The following SYTL5 variants were observed in gnomAD, a reference collection of about 807,000 sequenced individuals.
SYTL5 encodes synaptotagmin-like protein 5.
A neutral mutation model predicts 55.9 loss-of-function variants in SYTL5; 34 were observed. That is an observed-to-expected ratio of 0.61 (90% CI 0.46 to 0.81). The LOEUF (loss-of-function observed/expected upper bound fraction) is 0.81, where lower values mean the gene tolerates loss of function less well. Ranked by LOEUF, SYTL5 falls within the 30% of genes least tolerant of loss-of-function variation. The pLI, the probability that SYTL5 is intolerant of heterozygous loss-of-function variation, is 0.00. For missense variants in SYTL5, 637 were observed against 546.7 expected (o/e 1.17, Z -1.65); for synonymous variants, 221 against 188.7 (o/e 1.17, Z -1.40).
At chrX:37,977,000 C>T in the SYTL5 span, among the ~76,000 whole-genome samples, 4 of 111,190 alleles carry the variant, frequency 3.6e-5, no homozygotes, top group South Asian at 1.5e-3. Flanking sequence ...TCAAAGAACT[C>T]ACAATCTTTT....
the SYTL5 span, among the ~76,000 whole-genome samples, chrX:37,895,240 G>A: frequency 3.6e-5 from 4 of 112,186 alleles, no homozygotes; most frequent in African/African-American, 6.5e-5. Flanking sequence ...AAAGACTTAA[G>A]TTCAAAGCTA....
At chrX:38,070,144 A>G (rs758145581) in intron 3 of SYTL5, among the ~76,000 whole-genome samples, 1 of 111,606 alleles carries the variant, frequency 9.0e-6, no homozygotes, top group African/African-American at 3.2e-5. Flanking sequence ...TATATAATTT[A>G]CCTTTGCCTC....
the SYTL5 span, among the ~76,000 whole-genome samples, chrX:37,969,692 G>T: frequency 2.7e-5 from 3 of 111,758 alleles, no homozygotes; most frequent in African/African-American, 9.8e-5. Context: ...CAGTGCAGTG[G>T]TGAGATCTCG....
chrX:37,941,382 A>G, the SYTL5 span, among the ~76,000 whole-genome samples: 1 of 111,727 alleles, frequency 9.0e-6, no homozygotes, highest in African/African-American at 3.3e-5. Context: ...ACGTTAACAT[A>G]ATAATGATGA....
chrX:38,106,482 C>A, intron 10 of SYTL5, 111 bp from the exon 11 acceptor site: 1 of 703,616 alleles, frequency 1.4e-6, no homozygotes, highest in Non-Finnish European at 2.0e-6. Context: ...TCACCCTAGA[C>A]TTCCATGCTC....
chrX:38,097,402 A>G (rs1163938596), intron 9 of SYTL5, among the ~76,000 whole-genome samples: 2 of 110,930 alleles, frequency 1.8e-5, no homozygotes, highest in Non-Finnish European at 3.8e-5. Flanking sequence ...AACTGTATTT[A>G]TATATACTAG....
At chrX:37,909,258 G>A in the SYTL5 span, among the ~76,000 whole-genome samples, 186 of 112,159 alleles carry the variant, frequency 1.7e-3, no homozygotes, top group Non-Finnish European at 3.1e-3. Flanking sequence ...AATACTTACA[G>A]AAGGTAGTTT....
the SYTL5 span, among the ~76,000 whole-genome samples, chrX:37,893,267 A>C: frequency 0.026 from 1,858 of 72,241 alleles, 357 homozygotes; most frequent in African/African-American, 0.23. Context: ...ACATACCACA[A>C]TCTATATATG....
At chrX:37,928,396 G>T in the SYTL5 span, among the ~76,000 whole-genome samples, 4 of 111,538 alleles carry the variant, frequency 3.6e-5, no homozygotes, top group Admixed American at 3.8e-4. Flanking sequence ...GCCAAGCCTG[G>T]ATCACCACGT....
At chrX:37,916,952 T>C in the SYTL5 span, among the ~76,000 whole-genome samples, 1 of 111,655 alleles carries the variant, frequency 9.0e-6, no homozygotes, top group African/African-American at 3.3e-5. Flanking sequence ...CTTTTGGCTG[T>C]AACATTTTTT....
At chrX:37,980,736 G>A in the SYTL5 span, among the ~76,000 whole-genome samples, 3 of 104,678 alleles carry the variant, frequency 2.9e-5, no homozygotes, top group African/African-American at 1.1e-4. Context: ...TAACCTGCCC[G>A]CAGCTACCTG....
chrX:38,059,807 T>C (rs1014133714), intron 3 of SYTL5, among the ~76,000 whole-genome samples: 1 of 111,837 alleles, frequency 8.9e-6, no homozygotes, highest in African/African-American at 3.2e-5. Context: ...GAATTTTAAC[T>C]AATGACTGAT....
At chrX:37,986,553 A>T in the SYTL5 span, among the ~76,000 whole-genome samples, 1 of 111,865 alleles carries the variant, frequency 8.9e-6, no homozygotes, top group Admixed American at 9.4e-5. Flanking sequence ...TGTGGATTTC[A>T]TTTCTGCCTT....
At chrX:37,980,560 G>A in the SYTL5 span, among the ~76,000 whole-genome samples, 2 of 112,141 alleles carry the variant, frequency 1.8e-5, no homozygotes, top group African/African-American at 6.5e-5. Flanking sequence ...AATAGCAAAA[G>A]TCTATGGTAT....
the SYTL5 span, among the ~76,000 whole-genome samples, chrX:37,968,477 G>A: frequency 9.0e-6 from 1 of 111,389 alleles, no homozygotes; most frequent in Non-Finnish European, 1.9e-5. Context: ...ATTTGATAAG[G>A]CTTCTTAAAT....
At chrX:38,008,725 A>G (rs1009245153) in intron 1 of SYTL5, among the ~76,000 whole-genome samples, 2 of 112,147 alleles carry the variant, frequency 1.8e-5, no homozygotes, top group Non-Finnish European at 3.8e-5. Flanking sequence ...AAATTCCCCT[A>G]TGACATAAAA....
chrX:37,894,208 T>C, the SYTL5 span, among the ~76,000 whole-genome samples: 4 of 111,769 alleles, frequency 3.6e-5, no homozygotes, highest in African/African-American at 1.3e-4. Context: ...TGTTGGACAT[T>C]AGAGTTGCTT....
At chrX:38,081,387 C>G (rs1017971647) in intron 6 of SYTL5, among the ~76,000 whole-genome samples, 1 of 111,103 alleles carries the variant, frequency 9.0e-6, no homozygotes, top group East Asian at 2.8e-4. Flanking sequence ...TATGCTGTGA[C>G]CTTATCAGTG....
the SYTL5 span, among the ~76,000 whole-genome samples, chrX:37,900,603 A>T: frequency 1.8e-5 from 2 of 111,966 alleles, no homozygotes; most frequent in Non-Finnish European, 3.8e-5. Context: ...TATATAGAAG[A>T]TGAATAATTC....
Sources: gnomAD v4.1 joint callset for allele counts (sites outside exome capture counted in the v4.1 genomes callset) on GRCh38, gnomAD v4.1.1 for gene constraint, MANE v1.5 for transcripts, NCBI Gene and HGNC (gene_info 2026-07-23, HGNC 2026-07-21) for gene names.